The following TTC6 variants were observed in gnomAD, a reference collection of about 807,000 sequenced individuals.
The protein encoded by TTC6 is tetratricopeptide repeat protein 6.
Under a neutral mutation model 210.4 loss-of-function variants are expected in TTC6, and 172 were observed. The observed-to-expected ratio is 0.82, with a 90% CI of 0.72 to 0.93. The LOEUF is 0.93. Ranked by LOEUF, TTC6 falls within the 40% of genes least tolerant of loss-of-function variation. The pLI is 0.00. For synonymous variants in TTC6, 804 were observed against 819.6 expected, an observed-to-expected ratio of 0.98 and a Z score of 0.32; for missense variants, 2,414 against 2,318.1, an observed-to-expected ratio of 1.04 and a Z score of -0.85.
At position 37,642,960 on chromosome 14, in the gene TTC6, G is replaced by A. The variant is rs572458455; in HGVS notation, c.939+19957G>A. On this transcript the variant is annotated intron_variant, in intron 1 of 30. Coordinates refer to ENST00000553443, the Ensembl canonical transcript of TTC6. Reference sequence around the variant, plus strand: ...ACCTTATGGAATCACTGTCATATATGGGGTCTGTCATTGACTGAAATGTCA... The same window carrying A: ...ACCTTATGGAATCACTGTCATATATAGGGTCTGTCATTGACTGAAATGTCA... 1.1e-4 allele frequency among the ~76,000 whole-genome samples: 17 copies of A among 152,302 alleles called. No homozygotes were observed. In the South Asian group the frequency reaches 2.9e-3, roughly 26 times the overall value.
chr14:37,826,240 A>G (rs2096171105), exon 28 of TTC6: 1 of 1,611,430 alleles, frequency 6.2e-7, no homozygotes, highest in Admixed American at 1.7e-5. Flanking sequence ...TACCATTGCC[A>G]TAGATACTGA....
At chr14:37,635,414 A>G (rs1041157197) in intron 1 of TTC6, among the ~76,000 whole-genome samples, 1 of 152,214 alleles carries the variant, frequency 6.6e-6, no homozygotes, top group East Asian at 1.9e-4. Context: ...GAAAGAACAA[A>G]AAGAAAACAA....
At chr14:37,623,320 A>C (rs1268103426) in intron 1 of TTC6, among the ~76,000 whole-genome samples, 1 of 152,224 alleles carries the variant, frequency 6.6e-6, no homozygotes, top group Non-Finnish European at 1.5e-5. Flanking sequence ...TTTCGTGATT[A>C]TTTAGTGTTA....
intron 1 of TTC6, among the ~76,000 whole-genome samples, chr14:37,661,941 A>C (rs1306980559): frequency 6.6e-6 from 1 of 152,018 alleles, no homozygotes; most frequent in Admixed American, 6.6e-5. Context: ...TGTGAATGGG[A>C]GTTCATTCAT....
intron 7 of TTC6, among the ~76,000 whole-genome samples, chr14:37,732,723 A>T (rs1026670424): frequency 1.3e-5 from 2 of 151,216 alleles, no homozygotes; most frequent in Admixed American, 6.6e-5. Flanking sequence ...GGTTCACGCC[A>T]TTCTCTGCCT....
intron 1 of TTC6, among the ~76,000 whole-genome samples, chr14:37,660,937 T>C (rs895602007): frequency 5.3e-5 from 8 of 152,222 alleles, no homozygotes; most frequent in Non-Finnish European, 8.8e-5. Context: ...TAATGATCAG[T>C]GATGTTGAGC....
chr14:37,612,613 C>T (rs2095636456), intron 2 of TTC6, among the ~76,000 whole-genome samples: 1 of 152,144 alleles, frequency 6.6e-6, no homozygotes, highest in African/African-American at 2.4e-5. Context: ...ATTGAGTCTT[C>T]TAATCTATGG....
intron 29 of TTC6, among the ~76,000 whole-genome samples, chr14:37,828,138 T>A (rs2096176617): frequency 6.6e-6 from 1 of 152,078 alleles, no homozygotes; most frequent in African/African-American, 2.4e-5. Context: ...GTGTGACACC[T>A]TAATCTCTTT....
At chr14:37,650,526 T>C (rs1191236941) in intron 1 of TTC6, among the ~76,000 whole-genome samples, 1 of 152,154 alleles carries the variant, frequency 6.6e-6, no homozygotes, top group Non-Finnish European at 1.5e-5. Context: ...GTAAATAGCC[T>C]CCAAGGGAGG....
intron 1 of TTC6, among the ~76,000 whole-genome samples, chr14:37,632,555 C>G (rs1220645835): frequency 6.6e-6 from 1 of 152,300 alleles, no homozygotes; most frequent in South Asian, 2.1e-4. Context: ...TGTCTGTTTA[C>G]CCCTGCTGGG....
chr14:37,804,357 A>G (rs975101748), intron 20 of TTC6, among the ~76,000 whole-genome samples: 6 of 152,222 alleles, frequency 3.9e-5, no homozygotes, highest in Non-Finnish European at 7.3e-5. Flanking sequence ...TTGTTCATAA[A>G]TTTAAGCCTG....
chr14:37,764,701 T>C (rs1595219959), intron 14 of TTC6, among the ~76,000 whole-genome samples: 1 of 152,280 alleles, frequency 6.6e-6, no homozygotes, highest in South Asian at 2.1e-4. Flanking sequence ...CATGTAGCTA[T>C]ATTATAGTTT....
intron 22 of TTC6, 72 bp downstream of exon 24, chr14:37,806,582 C>T (rs1406376621): frequency 2.9e-6 from 4 of 1,363,574 alleles, no homozygotes; most frequent in African/African-American, 1.5e-5. Flanking sequence ...TTTTATGTGC[C>T]ATTGTTATTA....
At position 37,749,862 on chromosome 14, in the gene TTC6, C is replaced by T; in HGVS notation, c.2956+19C>T. ...AATACAGGTGGGTTGTCTGTAGAGACAGTTATATTACCTACATTTTGACCT... is the reference window on the plus strand; with the variant it reads ...AATACAGGTGGGTTGTCTGTAGAGATAGTTATATTACCTACATTTTGACCT... On this transcript the variant is annotated intron_variant, in intron 12 of 30. Transcript: ENST00000553443. The T allele has an allele frequency of 7.6e-7, 1 of 1,314,524 alleles. No homozygotes were observed. The highest frequency in any genetic ancestry group is 9.7e-7 in the Non-Finnish European group (1 of 1,026,540). The allele number at this position is 1,314,524 out of a possible 1,614,324, so 81.4% of individuals were successfully genotyped here.
In TTC6 at chr14:37,773,722, A is replaced by C. The variant is rs188169723; in HGVS notation, c.3267-13746A>C. ...TCCAGCTTTGTTCCTTTTGCTTAGA[A>C]TTGCCTTGGCTTTTTGGGCTCTTTT... On this transcript the variant is annotated intron_variant, in intron 14 of 30. Transcript: ENST00000553443. 1.4e-3 allele frequency among the ~76,000 whole-genome samples: 214 copies of C among 152,262 alleles called. 1 individual carries two copies. Among genetic ancestry groups the C allele is most frequent in the African/African-American group, 5.0e-3 (206 of 41,550 alleles).
chr14:37,749,136 G>A, exon 11 of TTC6: 1 of 1,535,636 alleles, frequency 6.5e-7, no homozygotes, highest in Non-Finnish European at 8.7e-7. Context: ...AAAGATGCGA[G>A]CATACCTGTA....
At chr14:37,813,649 T>C (rs2096134845) in intron 25 of TTC6, among the ~76,000 whole-genome samples, 1 of 152,210 alleles carries the variant, frequency 6.6e-6, no homozygotes, top group East Asian at 1.9e-4. Flanking sequence ...CAGTAAGTAC[T>C]GGGGTAAGAT....
chr14:37,831,687 T>C (rs1033020925), intron 29 of TTC6, among the ~76,000 whole-genome samples: 6 of 152,158 alleles, frequency 3.9e-5, no homozygotes, highest in Admixed American at 2.6e-4. Context: ...TGATTTGTAC[T>C]TCTCTGATGG....
intron 1 of TTC6, among the ~76,000 whole-genome samples, chr14:37,626,383 A>G (rs547596087): frequency 2.0e-5 from 3 of 152,336 alleles, no homozygotes; most frequent in African/African-American, 4.8e-5. Flanking sequence ...ACGGCTTAAT[A>G]TGACCTAGAT....
Sources: allele counts gnomAD v4.1 joint callset (sites outside exome capture counted in the v4.1 genomes callset), GRCh38; gene constraint gnomAD v4.1.1; transcripts MANE v1.5; gene names NCBI Gene and HGNC (gene_info 2026-07-23, HGNC 2026-07-21).